MDGA2: variants seen among roughly 807,000 people sequenced by gnomAD.
MDGA2 encodes MAM domain-containing glycosylphosphatidylinositol anchor protein 2.
MDGA2 carries 40 observed loss-of-function variants against 117.8 expected under a neutral mutation model. The ratio of observed to expected loss-of-function variants is 0.34; its 90% CI spans 0.26 to 0.44. MDGA2 has a LOEUF of 0.44. Ranked by LOEUF, MDGA2 falls within the 20% of genes least tolerant of loss-of-function variation. The pLI is 1.00. For synonymous variants in MDGA2, 452 were observed against 439.0 expected, an observed-to-expected ratio of 1.03 and a Z score of -0.37; for missense variants, 1,123 against 1,250.6, an observed-to-expected ratio of 0.90 and a Z score of 1.54.
intron 1 of MDGA2, among the ~76,000 whole-genome samples, chr14:47,465,773 A>C (rs1246267794): frequency 6.6e-6 from 1 of 152,168 alleles, no homozygotes; most frequent in Non-Finnish European, 1.5e-5. Flanking sequence ...CAGGATGGCG[A>C]TTTCTCAAAG....
At chr14:47,279,886 T>C (rs1888420594) in intron 2 of MDGA2, among the ~76,000 whole-genome samples, 1 of 152,142 alleles carries the variant, frequency 6.6e-6, no homozygotes, top group African/African-American at 2.4e-5. Context: ...GGACTAGAGA[T>C]GGGATCTCAC....
At chr14:47,050,766 A>G (rs1282015847) in intron 7 of MDGA2, among the ~76,000 whole-genome samples, 1 of 151,992 alleles carries the variant, frequency 6.6e-6, no homozygotes, top group Non-Finnish European at 1.5e-5. Context: ...ATGATGTTGA[A>G]TATGGTCTTC....
At chr14:47,265,951 TTAC>T (rs1448994918) in intron 2 of MDGA2, among the ~76,000 whole-genome samples, 2 of 152,090 alleles carry the variant, frequency 1.3e-5, no homozygotes, top group African/African-American at 4.8e-5. Flanking sequence ...CCACAAATCT[TTAC>T]TACTATTATT....
intron 1 of MDGA2, among the ~76,000 whole-genome samples, chr14:47,523,048 C>T (rs945144458): frequency 4.6e-5 from 7 of 152,154 alleles, no homozygotes; most frequent in Non-Finnish European, 5.9e-5. Flanking sequence ...AGCTTAATTT[C>T]TTTGGCTCAT....
chr14:47,383,926 C>T (rs969766617), intron 1 of MDGA2, among the ~76,000 whole-genome samples: 1 of 151,642 alleles, frequency 6.6e-6, no homozygotes, highest in African/African-American at 2.4e-5. Context: ...CTATGGACTG[C>T]ATGGTGCTTA....
At chr14:47,395,719 T>C (rs1181353428) in intron 1 of MDGA2, among the ~76,000 whole-genome samples, 6 of 152,080 alleles carry the variant, frequency 3.9e-5, no homozygotes, top group African/African-American at 1.4e-4. Context: ...ACAAAACATA[T>C]ACATTTAGTA....
At chr14:47,193,678 A>G (rs1274858850) in intron 3 of MDGA2, among the ~76,000 whole-genome samples, 1 of 152,228 alleles carries the variant, frequency 6.6e-6, no homozygotes, top group South Asian at 2.1e-4. Flanking sequence ...CTGCAAAGTC[A>G]GTGAATTATG....
intron 6 of MDGA2, among the ~76,000 whole-genome samples, chr14:47,075,660 A>G (rs974577257): frequency 6.6e-6 from 1 of 152,202 alleles, no homozygotes; most frequent in African/African-American, 2.4e-5. Context: ...CTCTCAAAGG[A>G]CTCATAAAAC....
chr14:47,364,486 G>T (rs1374249349), intron 1 of MDGA2, among the ~76,000 whole-genome samples: 1 of 152,040 alleles, frequency 6.6e-6, no homozygotes, highest in Non-Finnish European at 1.5e-5. Flanking sequence ...GAATGGTCTC[G>T]ATCTCCTGAC....
chr14:47,662,253 T>A (rs1460503153), intron 1 of MDGA2, among the ~76,000 whole-genome samples: 5 of 152,144 alleles, frequency 3.3e-5, no homozygotes, highest in Non-Finnish European at 5.9e-5. Flanking sequence ...ATGCATTTTT[T>A]GAATACACAT....
intron 14 of MDGA2, chr14:46,871,724 C>T (rs973944008): frequency 3.8e-5 from 6 of 159,936 alleles, no homozygotes; most frequent in African/African-American, 1.4e-4. Context: ...TTATTATTCT[C>T]ATTTTACAGA....
intron 9 of MDGA2, among the ~76,000 whole-genome samples, chr14:46,940,235 A>C (rs1884945188): frequency 6.6e-6 from 1 of 152,226 alleles, no homozygotes; most frequent in South Asian, 2.1e-4. Flanking sequence ...AATAAGAACT[A>C]CAAGTACTTT....
chr14:47,126,927 C>A (rs1318628521), intron 5 of MDGA2, among the ~76,000 whole-genome samples: 1 of 152,020 alleles, frequency 6.6e-6, no homozygotes, highest in African/African-American at 2.4e-5. Context: ...CAAATCAGGT[C>A]CATAGACTGA....
chr14:46,886,912 C>T (rs1057500062), intron 10 of MDGA2, among the ~76,000 whole-genome samples: 1 of 151,960 alleles, frequency 6.6e-6, no homozygotes, highest in African/African-American at 2.4e-5. Flanking sequence ...TTTCTGCATG[C>T]ATGAGAATCA....
At chr14:47,352,463 C>G (rs1231153657) in intron 1 of MDGA2, among the ~76,000 whole-genome samples, 5 of 151,580 alleles carry the variant, frequency 3.3e-5, no homozygotes, top group Admixed American at 2.0e-4. Flanking sequence ...CTAGCTGACT[C>G]TCTTTTTGGA....
intron 1 of MDGA2, among the ~76,000 whole-genome samples, chr14:47,446,549 T>C: frequency 6.6e-6 from 1 of 152,062 alleles, no homozygotes; most frequent in East Asian, 1.9e-4. Flanking sequence ...GAAAATTCTT[T>C]GTAAAAACGA....
At chr14:47,448,367 T>C (rs1304051789) in intron 1 of MDGA2, among the ~76,000 whole-genome samples, 1 of 152,066 alleles carries the variant, frequency 6.6e-6, no homozygotes, top group Non-Finnish European at 1.5e-5. Flanking sequence ...CTCGAACTCC[T>C]GGCCTCAAGT....
At chr14:47,401,544 T>C (rs1340741574) in intron 1 of MDGA2, among the ~76,000 whole-genome samples, 2 of 152,194 alleles carry the variant, frequency 1.3e-5, no homozygotes, top group Non-Finnish European at 2.9e-5. Flanking sequence ...TGTTATAGTT[T>C]GGTTATGTTT....
At position 47,206,433 on chromosome 14, in the gene MDGA2, G is replaced by T. The variant is rs117165339; in HGVS notation, c.595+11588C>A. 2.8e-3 allele frequency among the ~76,000 whole-genome samples: 426 copies of T among 150,242 alleles called. 6 individuals are homozygous for T. The highest frequency in any genetic ancestry group is 9.8e-3 in the African/African-American group (404 of 41,076). ...GAGTGAGACCTCGTCTGTACAGAAA[G>T]AAAAAAAAATAGCCTGGCATGTTGG... On this transcript the variant is annotated intron_variant, in intron 3 of 16. Coordinates refer to ENST00000399232, the MANE Select transcript of MDGA2 (RefSeq NM_001113498.3).
Sources: allele counts gnomAD v4.1 joint callset (sites outside exome capture counted in the v4.1 genomes callset), GRCh38; gene constraint gnomAD v4.1.1; transcripts MANE v1.5; gene names NCBI Gene and HGNC (gene_info 2026-07-23, HGNC 2026-07-21).